Variants in DMD observed in about 807,000 individuals in gnomAD.
The protein encoded by DMD is mutant dystrophin.
A neutral mutation model predicts 330.1 loss-of-function variants in DMD; 63 were observed. That is an observed-to-expected ratio of 0.19 (90% CI 0.16 to 0.24). DMD has a LOEUF of 0.24. Ranked by LOEUF, DMD falls within the 10% of genes least tolerant of loss-of-function variation. The pLI is 1.00. For missense variants in DMD, 3,344 were observed against 2,684.1 expected, an observed-to-expected ratio of 1.25 and a Z score of -5.43; for synonymous variants, 1,223 against 959.8, an observed-to-expected ratio of 1.27 and a Z score of -5.07.
chrX:31,920,063 C>T (rs1010877361), intron 47 of DMD, among the ~76,000 whole-genome samples: 6 of 112,014 alleles, frequency 5.4e-5, no homozygotes, highest in Non-Finnish European at 7.5e-5. Context: ...AGGTGGTATA[C>T]GGCAAAAATG....
intron 32 of DMD, 134 bp downstream of exon 32, chrX:32,389,367 T>C (rs1204413482): frequency 5.6e-6 from 4 of 712,508 alleles, no homozygotes; most frequent in Non-Finnish European, 8.5e-6. Context: ...GTGCCAATTT[T>C]TGTTCTCAAT....
intron 60 of DMD, among the ~76,000 whole-genome samples, chrX:31,395,951 A>AC (rs1353725928): frequency 1.8e-5 from 2 of 112,084 alleles, no homozygotes; most frequent in African/African-American, 6.5e-5. Flanking sequence ...AACAGAAGAT[A>AC]TAGCCAGATG....
intron 74 of DMD, among the ~76,000 whole-genome samples, chrX:31,152,596 C>T (rs969533834): frequency 9.1e-6 from 1 of 110,240 alleles, no homozygotes; most frequent in Non-Finnish European, 1.9e-5. Flanking sequence ...TGCAGTGGCA[C>T]AATTATGGCT....
intron 55 of DMD, among the ~76,000 whole-genome samples, chrX:31,514,922 G>C (rs2072037430): frequency 9.0e-6 from 1 of 111,481 alleles, no homozygotes; most frequent in East Asian, 2.8e-4. Context: ...TGGACAATGA[G>C]AGTTGAGAGA....
rs773380751 is a variant in DMD, at chrX:31,930,392, A to G, written c.6763-647T>C. Among the ~76,000 whole-genome samples, 259 of 110,807 alleles carry G rather than the reference A, an allele frequency of 2.3e-3. 4 individuals carry two copies. Among genetic ancestry groups the G allele is most frequent in the African/African-American group, 8.3e-3 (252 of 30,503 alleles). ...TCAAATTTGGGTAGTTTCATTCTGGAGTCCTCATTTTTTACTTCATATCCC... is the reference window on the plus strand; with the variant it reads ...TCAAATTTGGGTAGTTTCATTCTGGGGTCCTCATTTTTTACTTCATATCCC... On this transcript the variant is annotated intron_variant, in intron 46 of 78. Coordinates refer to ENST00000357033, the MANE Select transcript of DMD (RefSeq NM_004006.3).
chrX:32,287,801 T>A, intron 42 of DMD, 100 bp from the exon 43 acceptor site: 1 of 573,350 alleles, frequency 1.7e-6, no homozygotes, highest in Non-Finnish European at 2.6e-6. Context: ...TAGCAAATGG[T>A]GTTGCAATTC....
chrX:32,581,178 A>T (rs971658945), intron 13 of DMD, among the ~76,000 whole-genome samples: 2 of 112,502 alleles, frequency 1.8e-5, no homozygotes, highest in South Asian at 7.3e-4. Context: ...ATATCCCTCT[A>T]TGTCTCATGC....
chrX:32,886,825 G>GAACATTT, intron 2 of DMD, among the ~76,000 whole-genome samples: 1 of 112,102 alleles, frequency 8.9e-6, no homozygotes, highest in South Asian at 3.7e-4. Flanking sequence ...GTCATTATGT[G>GAACATTT]AACATTTAAA....
intron 1 of DMD, chrX:33,128,471 C>T: frequency 1.1e-6 from 1 of 912,692 alleles, no homozygotes; most frequent in South Asian, 4.7e-5. Flanking sequence ...TCTTCCCTCA[C>T]CGGCTCAATC....
Position 31,291,784 on chromosome X carries a change from C to A in DMD, c.9225-30768G>T, listed in dbSNP as rs753396339. Among the ~76,000 whole-genome samples the A allele has an allele frequency of 1.3e-4, 14 of 110,620 alleles. 1 individual carries two copies. The highest frequency in any genetic ancestry group is 1.2e-3 in the South Asian group (3 of 2,595). On this transcript the variant is annotated intron_variant, in intron 62 of 78. Coordinates refer to ENST00000357033, the MANE Select transcript of DMD (RefSeq NM_004006.3). ...TATGAAACCAGAATAATCCACATAC[C>A]AAACCTTGACAAGAATGGCAGACCA...
intron 63 of DMD, among the ~76,000 whole-genome samples, chrX:31,239,641 C>T (rs974969618): frequency 9.0e-5 from 10 of 111,600 alleles, no homozygotes; most frequent in East Asian, 8.4e-4. Flanking sequence ...ACAGAGGGCC[C>T]GTGAATTTCT....
At chrX:32,336,113 ATATGT>A (rs918995191) in intron 41 of DMD, among the ~76,000 whole-genome samples, 3 of 109,957 alleles carry the variant, frequency 2.7e-5, no homozygotes, top group Admixed American at 9.7e-5. Context: ...TACATGTTAT[ATATGT>A]TATATGTAAC....
rs58787514 is a variant in DMD, at chrX:31,210,284, A to C, written c.9362-585T>G. Among the ~76,000 whole-genome samples the C allele has an allele frequency of 5.0e-3, 564 of 111,914 alleles. 2 individuals are homozygous for C. Among genetic ancestry groups the C allele is most frequent in the African/African-American group, 0.017 (533 of 30,843 alleles). Reference sequence around the variant, plus strand: ...ACTAAAATTTTCTATAGGCAAACTAAAGTAATTGCATAATCTATCCAGTTT... The same window carrying C: ...ACTAAAATTTTCTATAGGCAAACTACAGTAATTGCATAATCTATCCAGTTT... On this transcript the variant is annotated intron_variant, in intron 64 of 78. Coordinates refer to ENST00000357033, the MANE Select transcript of DMD (RefSeq NM_004006.3).
At chrX:31,855,997 C>T (rs1007606706) in intron 48 of DMD, among the ~76,000 whole-genome samples, 3 of 111,580 alleles carry the variant, frequency 2.7e-5, no homozygotes, top group African/African-American at 9.8e-5. Flanking sequence ...GAAAAGTCAA[C>T]GATAAGATTT....
rs964619177 is a variant in DMD at position 32,945,066 on chromosome X, TTA to T, written c.93+75071_93+75072del. On this transcript the variant is annotated intron_variant, in intron 2 of 78. Transcript: ENST00000357033. Reference sequence around the variant, plus strand: ...TCTTCCTGCCACCCCAATTTAAATTTTATGTGTTTCTATCAGATTTTAGCTTA... The same window carrying T: ...TCTTCCTGCCACCCCAATTTAAATTTTGTGTTTCTATCAGATTTTAGCTTA... Among the ~76,000 whole-genome samples, 5 of 111,381 alleles carry T rather than the reference TTA, an allele frequency of 4.5e-5. No homozygotes were observed. The Admixed American group carries it at 4.8e-4, about 11-fold the overall frequency.
chrX:31,205,447 G>A (rs766674491), intron 66 of DMD, among the ~76,000 whole-genome samples: 4 of 111,756 alleles, frequency 3.6e-5, no homozygotes, highest in Non-Finnish European at 5.6e-5. Flanking sequence ...CCTCTTAGTA[G>A]TTATTCGAAA....
intron 2 of DMD, among the ~76,000 whole-genome samples, chrX:32,958,181 T>A (rs183054043): frequency 9.0e-6 from 1 of 111,515 alleles, no homozygotes; most frequent in African/African-American, 3.3e-5. Context: ...CAAGTGGTGA[T>A]CTGAGTGGTA....
At chrX:32,257,003 C>A (rs2097302143) in intron 43 of DMD, among the ~76,000 whole-genome samples, 1 of 111,221 alleles carries the variant, frequency 9.0e-6, no homozygotes, top group Non-Finnish European at 1.9e-5. Context: ...AGATCACAAG[C>A]ATTCCTATAC....
At chrX:32,797,589 C>T (rs2076267078) in intron 7 of DMD, among the ~76,000 whole-genome samples, 1 of 111,974 alleles carries the variant, frequency 8.9e-6, no homozygotes, top group Non-Finnish European at 1.9e-5. Flanking sequence ...ATAAAATTAA[C>T]AAATACCAAT....
Sources: gnomAD v4.1 joint callset for allele counts (sites outside exome capture counted in the v4.1 genomes callset) on GRCh38, gnomAD v4.1.1 for gene constraint, MANE v1.5 for transcripts, NCBI Gene and HGNC (gene_info 2026-07-23, HGNC 2026-07-21) for gene names.